The following STX11 variants were observed in gnomAD, a reference collection of about 807,000 sequenced individuals.
The protein encoded by STX11 is syntaxin 11.
In STX11, 21 loss-of-function variants were observed where a neutral mutation model predicts 19.9. The observed-to-expected ratio is 1.06, with a 90% CI of 0.75 to 1.52. The LOEUF (loss-of-function observed/expected upper bound fraction) is 1.52. Among genes scored for constraint, STX11 ranks in the 40% most tolerant of loss-of-function variants. STX11 has a pLI of 0.00. For missense variants in STX11, 438 were observed against 405.9 expected (o/e 1.08, Z -0.68); for synonymous variants, 193 against 174.4 (o/e 1.11, Z -0.84).
At chr6:144,150,272 G>C (rs1409606583), upstream of STX11, among the ~76,000 whole-genome samples, 2 of 152,242 alleles carry the variant, frequency 1.3e-5, no homozygotes, top group Admixed American at 6.5e-5. Flanking sequence ...GAAGTGTCTT[G>C]GGCGGCAAAC....
chr6:144,164,757 A>G (rs1584028971), intron 1 of STX11, among the ~76,000 whole-genome samples: 1 of 152,302 alleles, frequency 6.6e-6, no homozygotes, highest in East Asian at 1.9e-4. Context: ...GCAGTGGCAC[A>G]ATCTCGGCTC....
chr6:144,152,026 C>T lies in STX11; in HGVS notation c.-6+1323C>T, dbSNP rs891152760. Among the ~76,000 whole-genome samples, 1 of 152,112 alleles carries T rather than the reference C, an allele frequency of 6.6e-6. No individual in the cohort carries two copies. The highest frequency in any genetic ancestry group is 1.5e-5 in the Non-Finnish European group (1 of 68,030). On this transcript the variant is annotated intron_variant, in intron 1 of 1. Transcript: ENST00000367568. This position sits in a 1 kb window ranked among gnomAD's most constrained non-coding sequence, Gnocchi z 4.9. ...GTACCTTCTCTGTGCCAGCCTCTTC[C>T]CTGAACCTTGCTTGTACAACCATGA...
the STX11 span, among the ~76,000 whole-genome samples, chr6:144,141,593 C>T: frequency 6.6e-6 from 1 of 151,836 alleles, no homozygotes; most frequent in Non-Finnish European, 1.5e-5. Flanking sequence ...TCATATTGCC[C>T]TTTTGTGCAG....
Position 144,174,135 on chromosome 6 carries a change from A to G in STX11, c.-5-12488A>G, listed in dbSNP as rs1368508296. Among the ~76,000 whole-genome samples the G allele has an allele frequency of 6.6e-6, 1 of 152,210 alleles. No homozygotes were observed. Among genetic ancestry groups the G allele is most frequent in the Admixed American group, 6.5e-5 (1 of 15,286 alleles). On this transcript the variant is annotated intron_variant, in intron 1 of 1. Coordinates refer to ENST00000367568, the MANE Select transcript of STX11 (RefSeq NM_003764.4). The surrounding 1 kb of genome is among the most constrained non-coding windows in gnomAD (Gnocchi z 5.3). ...AGCCTCGAGTACTGCTCAGCTGGGCATCATCTTCCTGCAGGCTAGCCCAGG... is the reference window on the plus strand; with the variant it reads ...AGCCTCGAGTACTGCTCAGCTGGGCGTCATCTTCCTGCAGGCTAGCCCAGG...
At chr6:144,144,631 A>T in the STX11 span, among the ~76,000 whole-genome samples, 1 of 152,230 alleles carries the variant, frequency 6.6e-6, no homozygotes, top group Admixed American at 6.5e-5. Flanking sequence ...TAAGTACTTA[A>T]AATGTTGCTA....
chr6:144,169,222 G>A lies in STX11; in HGVS notation c.-5-17401G>A, dbSNP rs966421620. On this transcript the variant is annotated intron_variant, in intron 1 of 1. Coordinates refer to ENST00000367568, the MANE Select transcript of STX11 (RefSeq NM_003764.4). The surrounding 1 kb of genome is among the most constrained non-coding windows in gnomAD (Gnocchi z 5.2). ...TCTGTCCTTGGCATCCTTAATTCCT[G>A]TAGAGGCTGTCTCAGCTCTAGTCAG... is the stretch of plus-strand genomic sequence containing the variant. 2.0e-5 allele frequency among the ~76,000 whole-genome samples: 3 copies of A among 152,200 alleles called. No homozygotes were observed. Among genetic ancestry groups the A allele is most frequent in the Middle Eastern group, 3.2e-3 (1 of 316 alleles).
chr6:144,150,739 CCTGA>C lies in STX11; in HGVS notation c.-6+39_-6+42del, dbSNP rs538799131. On this transcript the variant is annotated intron_variant, in intron 1 of 1. Transcript: ENST00000367568. Reference sequence around the variant, plus strand: ...CTCTTCCTGAGCCCCCATTTCTCTTCCTGACTATTTTCCCCGTGCGCGGAGAGAT... The same window carrying C: ...CTCTTCCTGAGCCCCCATTTCTCTTCCTATTTTCCCCGTGCGCGGAGAGAT... 637 of 976,132 alleles carry C rather than the reference CCTGA, an allele frequency of 6.5e-4. 5 individuals are homozygous for C. The African/African-American group carries it at 7.6e-3, about 12-fold the overall frequency. 60.5% of individuals were successfully genotyped at this position (976,132 alleles called of 1,614,324 possible). A position where few individuals can be genotyped will look rare whatever the true frequency, so the allele number is the denominator to read the frequency against.
At position 144,187,604 on chromosome 6, in the gene STX11, T is replaced by A. The variant is rs1296647766; in HGVS notation, c.*113T>A. ...GAGTTGCCCCAACCCTTTCCGGAACTCAGTCTTTAGAAAAGAAACGCCAGG... is the reference window on the plus strand; with the variant it reads ...GAGTTGCCCCAACCCTTTCCGGAACACAGTCTTTAGAAAAGAAACGCCAGG... On this transcript the variant is annotated 3_prime_UTR_variant, in exon 2 of 2. Coordinates refer to ENST00000367568, the MANE Select transcript of STX11 (RefSeq NM_003764.4). This position sits in a 1 kb window ranked among gnomAD's most constrained non-coding sequence, Gnocchi z 5.6. 8.7e-6 allele frequency: 12 copies of A among 1,382,320 alleles called. No individual in the cohort carries two copies. Among genetic ancestry groups the A allele is most frequent in the Non-Finnish European group, 1.0e-5 (10 of 1,003,080 alleles). The allele number at this position is 1,382,320 out of a possible 1,614,324, so 85.6% of individuals were successfully genotyped here.
At chr6:144,179,900 G>T (rs1423884671) in intron 1 of STX11, among the ~76,000 whole-genome samples, 1 of 152,190 alleles carries the variant, frequency 6.6e-6, no homozygotes, top group Non-Finnish European at 1.5e-5. Flanking sequence ...TCAGAACTTG[G>T]GTACTGTGCG....
intron 1 of STX11, among the ~76,000 whole-genome samples, chr6:144,178,096 A>G (rs998966664): frequency 3.9e-5 from 6 of 152,216 alleles, no homozygotes; most frequent in Non-Finnish European, 5.9e-5. Context: ...TTCCTATTAG[A>G]CTAACGATTT....
rs1802094470 is a variant in STX11 at position 144,187,540 on chromosome 6, G to C, written c.*49G>C. The C allele has an allele frequency of 6.2e-7, 1 of 1,610,012 alleles. No homozygotes were observed. Among genetic ancestry groups the C allele is most frequent in the Admixed American group, 1.7e-5 (1 of 59,874 alleles). ...CCCATCCCAGACCATGGAGCGCGCT[G>C]GGAAGGACGCACCAAAGCCGGGAGC... On this transcript the variant is annotated 3_prime_UTR_variant, in exon 2 of 2. Transcript: ENST00000367568. The surrounding 1 kb of genome is among the most constrained non-coding windows in gnomAD (Gnocchi z 5.6).
intron 1 of STX11, among the ~76,000 whole-genome samples, chr6:144,171,342 T>G (rs1173924841): frequency 1.3e-5 from 2 of 152,256 alleles, no homozygotes; most frequent in Admixed American, 1.3e-4. Context: ...TCCCACTAAT[T>G]TTTGCTCTTT....
chr6:144,167,753 G>A lies in STX11; in HGVS notation c.-6+17050G>A, dbSNP rs1018552707. ...CCCATCTCAGCCTCCCAAGCAGCTG[G>A]GAATACAGGTGTACACCACTGCTCT... On this transcript the variant is annotated intron_variant, in intron 1 of 1. Transcript: ENST00000367568. The surrounding 1 kb of genome is among the most constrained non-coding windows in gnomAD (Gnocchi z 5.0). 6.6e-6 allele frequency among the ~76,000 whole-genome samples: 1 copy of A among 151,352 alleles called. No individual in the cohort carries two copies. Among genetic ancestry groups the A allele is most frequent in the Non-Finnish European group, 1.5e-5 (1 of 68,030 alleles).
In STX11 at chr6:144,160,689, T is replaced by G. The variant is rs1347267483; in HGVS notation, c.-6+9986T>G. Among the ~76,000 whole-genome samples, 1 of 152,094 alleles carries G rather than the reference T, an allele frequency of 6.6e-6. No homozygotes were observed. The highest frequency in any genetic ancestry group is 1.9e-4 in the East Asian group (1 of 5,200). The stretch of plus-strand genomic sequence containing the variant: ...TCACCATAAAGCAGCACTTACTAGA[T>G]GTAGGTGGAGTTATGTAATCCTCTG... On this transcript the variant is annotated intron_variant, in intron 1 of 1. Transcript: ENST00000367568. The surrounding 1 kb of genome is among the most constrained non-coding windows in gnomAD (Gnocchi z 4.3).
At chr6:144,140,252 A>ATTT in the STX11 span, among the ~76,000 whole-genome samples, 1 of 52,016 alleles carries the variant, frequency 1.9e-5, no homozygotes, top group African/African-American at 1.0e-4. Flanking sequence ...ATATATATAT[A>ATTT]TATTTATTTA....
rs55871805 is a variant in STX11, at chr6:144,154,955, C to CA, written c.-6+4259dup. ...CCTGTCCACCCGCCCCCACCGCCTCCAAAAAAATGATCCCAACTCTTAACT... is the reference window on the plus strand; with the variant it reads ...CCTGTCCACCCGCCCCCACCGCCTCCAAAAAAAATGATCCCAACTCTTAACT... On this transcript the variant is annotated intron_variant, in intron 1 of 1. Transcript: ENST00000367568. This position sits in a 1 kb window ranked among gnomAD's most constrained non-coding sequence, Gnocchi z 4.7. Among the ~76,000 whole-genome samples the CA allele has an allele frequency of 6.6e-6, 1 of 152,158 alleles. No homozygotes were observed. Among genetic ancestry groups the CA allele is most frequent in the Admixed American group, 6.5e-5 (1 of 15,290 alleles).
At position 144,151,119 on chromosome 6, in the gene STX11, C is replaced by T. The variant is rs1024487313; in HGVS notation, c.-6+416C>T. The T allele has an allele frequency of 1.1e-5, 5 of 456,228 alleles. No individual in the cohort carries two copies. Among genetic ancestry groups the T allele is most frequent in the African/African-American group, 1.1e-4 (5 of 46,744 alleles). 28.3% of individuals were successfully genotyped at this position (456,228 alleles called of 1,614,324 possible). On this transcript the variant is annotated intron_variant, in intron 1 of 1. Coordinates refer to ENST00000367568, the MANE Select transcript of STX11 (RefSeq NM_003764.4). This position sits in a 1 kb window ranked among gnomAD's most constrained non-coding sequence, Gnocchi z 4.6. ...AGTAGGGTGACTGTGTCAAAAACAC[C>T]AGAATGGGTACTTCTTGACTTGAAC...
rs1332992092 is a variant in STX11 at position 144,174,714 on chromosome 6, G to A, written c.-5-11909G>A. 1.3e-5 allele frequency among the ~76,000 whole-genome samples: 2 copies of A among 152,204 alleles called. No homozygotes were observed. The highest frequency in any genetic ancestry group is 3.8e-4 in the East Asian group (2 of 5,200). ...CACAAAGAGTATGTACAAATTCAAG[G>A]GGAAAGAATGGGGCCACCTAGGAGG... On this transcript the variant is annotated intron_variant, in intron 1 of 1. Coordinates refer to ENST00000367568, the MANE Select transcript of STX11 (RefSeq NM_003764.4). The surrounding 1 kb of genome is among the most constrained non-coding windows in gnomAD (Gnocchi z 5.3).
chr6:144,151,061 G>A lies in STX11; in HGVS notation c.-6+358G>A, dbSNP rs7746626. ...ACTTTTATTTTAAATCGAAAGGCTG[G>A]AGTGTTTTTTTATTATCACCTCTTC... On this transcript the variant is annotated intron_variant, in intron 1 of 1. Coordinates refer to ENST00000367568, the MANE Select transcript of STX11 (RefSeq NM_003764.4). The surrounding 1 kb of genome is among the most constrained non-coding windows in gnomAD (Gnocchi z 4.6). 0.042 allele frequency among the ~76,000 whole-genome samples: 6,359 copies of A among 152,196 alleles called. 375 individuals carry two copies. Among genetic ancestry groups the A allele is most frequent in the East Asian group, 0.15 (760 of 5,188 alleles).
Sources: gnomAD v4.1 joint callset for allele counts (sites outside exome capture counted in the v4.1 genomes callset) on GRCh38, gnomAD v4.1.1 for gene constraint, Gnocchi (gnomAD v3.1) non-coding constraint, MANE v1.5 for transcripts, NCBI Gene and HGNC (gene_info 2026-07-23, HGNC 2026-07-21) for gene names.